FAM149B1: variants seen among roughly 807,000 people sequenced by gnomAD.
FAM149B1 encodes the protein primary cilium assembly protein FAM149B1.
In FAM149B1, 56 loss-of-function variants were observed where a neutral mutation model predicts 75.3. The ratio of observed to expected loss-of-function variants is 0.74; its 90% CI spans 0.60 to 0.93. The LOEUF (loss-of-function observed/expected upper bound fraction) is 0.93. Among genes scored for constraint, FAM149B1 ranks in the 40% least tolerant of loss-of-function variants. The pLI, the probability that FAM149B1 is intolerant of heterozygous loss-of-function variation, is 0.00. For missense variants in FAM149B1, 639 were observed against 708.4 expected, an observed-to-expected ratio of 0.90 and a Z score of 1.11; for synonymous variants, 259 against 256.1, an observed-to-expected ratio of 1.01 and a Z score of -0.11.
intron 5 of FAM149B1, among the ~76,000 whole-genome samples, chr10:73,194,330 G>A (rs1004097439): frequency 6.6e-6 from 1 of 151,622 alleles, no homozygotes; most frequent in African/African-American, 2.4e-5. Flanking sequence ...TTAAAATGTC[G>A]AAGTCTAAGA....
At chr10:73,234,586 C>A in intron 10 of FAM149B1, 1 of 476,178 alleles carries the variant, frequency 2.1e-6, no homozygotes, top group Non-Finnish European at 3.8e-6. Flanking sequence ...GAGAAAAGGC[C>A]AGCTTCTGTT....
At chr10:73,193,932 G>A (rs1384303870) in intron 5 of FAM149B1, among the ~76,000 whole-genome samples, 2 of 152,128 alleles carry the variant, frequency 1.3e-5, no homozygotes, top group Non-Finnish European at 2.9e-5. Flanking sequence ...CTTGCTGGTG[G>A]GGATTCTCTG....
chr10:73,221,305 C>A (rs1228671058), intron 7 of FAM149B1, among the ~76,000 whole-genome samples: 3 of 152,022 alleles, frequency 2.0e-5, no homozygotes, highest in East Asian at 1.9e-4. Flanking sequence ...TTTTAAAATT[C>A]TTTCAGCCTG....
intron 5 of FAM149B1, chr10:73,200,546 T>C: frequency 1.4e-6 from 1 of 731,372 alleles, no homozygotes; most frequent in Non-Finnish European, 2.3e-6. Flanking sequence ...GATCAAAATG[T>C]TTGTTTTGGA....
At chr10:73,228,304 G>T in intron 8 of FAM149B1, 120 bp downstream of exon 8, 1 of 770,190 alleles carries the variant, frequency 1.3e-6, no homozygotes, top group East Asian at 2.7e-5. Flanking sequence ...ACAGTTATGT[G>T]TTTATCATAA....
In FAM149B1 at chr10:73,233,095, G is replaced by A. The variant is rs951645895; in HGVS notation, c.1284G>A (p.Pro428=). ...RRNPPPRTLH[P]ISTSHSCAET... ...ATCCACCACCACGAACTCTTCATCC[G>A]ATCAGCACGAGCCATTCATGTGCTG... is the stretch of plus-strand genomic sequence containing the variant. Residue 428 remains proline (P), a synonymous_variant, in exon 10 of 14, where the codon CCG becomes CCA. Transcript: ENST00000242505. 5.2e-6 allele frequency: 8 copies of A among 1,551,526 alleles called. No individual in the cohort carries two copies. Among genetic ancestry groups the A allele is most frequent in the South Asian group, 1.2e-5 (1 of 84,050 alleles).
At chr10:73,214,918 T>C (rs2043262755) in intron 7 of FAM149B1, among the ~76,000 whole-genome samples, 2 of 152,144 alleles carry the variant, frequency 1.3e-5, no homozygotes, top group South Asian at 4.1e-4. Context: ...TGAATCCATC[T>C]GTTTGTTTGT....
intron 5 of FAM149B1, among the ~76,000 whole-genome samples, chr10:73,202,528 G>GT (rs1325184740): frequency 6.6e-6 from 1 of 151,780 alleles, no homozygotes; most frequent in African/African-American, 2.4e-5. Flanking sequence ...TGCCTCCCAG[G>GT]TTCAAGGGAT....
intron 3 of FAM149B1, among the ~76,000 whole-genome samples, chr10:73,185,833 A>G (rs1425466781): frequency 1.3e-5 from 2 of 152,208 alleles, no homozygotes; most frequent in African/African-American, 4.8e-5. Context: ...AAGGTGCAAG[A>G]TCAATATGTA....
chr10:73,235,393 A>G, intron 12 of FAM149B1, 75 bp downstream of exon 12: 1 of 1,536,000 alleles, frequency 6.5e-7, no homozygotes, highest in Non-Finnish European at 8.8e-7. Context: ...AGTTTGGCAG[A>G]CTTAAGATTT....
rs2043664746 is a variant in FAM149B1, at chr10:73,230,532, A to T, written c.1127+7A>T. On this transcript the variant is annotated splice_region_variant and intron_variant, in intron 9 of 13. Transcript: ENST00000242505. ...CCCTAATGGACAAGCTCCTGTAAGA[A>T]GTTCAACATTTTCAGACTATACAGT... The T allele has an allele frequency of 1.4e-6, 2 of 1,416,620 alleles. No homozygotes were observed. The allele number at this position is 1,416,620 out of a possible 1,614,324, so 87.8% of individuals were successfully genotyped here. A position where few individuals can be genotyped will look rare whatever the true frequency, so the allele number is the denominator to read the frequency against.
rs918100613 is a variant in FAM149B1 at position 73,244,082 on chromosome 10, T to C, written c.*3063T>C. ...TTACATAACTATGTCATTCATTAAA[T>C]GGCAACAATGCTGACAGCAAGCAGT... On this transcript the variant is annotated 3_prime_UTR_variant, in exon 14 of 14. Coordinates refer to ENST00000242505, the MANE Select transcript of FAM149B1 (RefSeq NM_173348.2). 1.6e-6 allele frequency: 1 copy of C among 621,770 alleles called. No homozygotes were observed. The highest frequency in any genetic ancestry group is 3.0e-5 in the East Asian group (1 of 33,716). 38.5% of individuals were successfully genotyped at this position (621,770 alleles called of 1,614,324 possible).
chr10:73,212,621 AAGAGTGGGACTGCTGGAT>A, intron 7 of FAM149B1, among the ~76,000 whole-genome samples: 1 of 152,202 alleles, frequency 6.6e-6, no homozygotes, highest in South Asian at 2.1e-4. Flanking sequence ...GTATATACTC[AAGAGTGGGACTGCTGGAT>A]CAAATGGCAG....
chr10:73,208,102 G>C (rs2043108125), intron 5 of FAM149B1, among the ~76,000 whole-genome samples: 1 of 152,240 alleles, frequency 6.6e-6, no homozygotes, highest in Admixed American at 6.5e-5. Context: ...TGGGTCATGG[G>C]GGAGGATCCC....
At chr10:73,192,526 T>C in intron 3 of FAM149B1, 30 bp from the exon 4 acceptor site, 1 of 1,545,742 alleles carries the variant, frequency 6.5e-7, no homozygotes, top group South Asian at 1.2e-5. Flanking sequence ...TCAGCTCACC[T>C]AAATATTTGG....
intron 1 of FAM149B1, among the ~76,000 whole-genome samples, chr10:73,171,322 T>C (rs963774656): frequency 1.3e-5 from 2 of 152,280 alleles, no homozygotes; most frequent in Admixed American, 1.3e-4. Context: ...AAGTGAATAA[T>C]GAAGATAATG....
Position 73,168,588 on chromosome 10 carries a change from T to C in FAM149B1, c.47+202T>C, listed in dbSNP as rs554415805. 1.8e-4 allele frequency among the ~76,000 whole-genome samples: 27 copies of C among 152,358 alleles called. No homozygotes were observed. In the South Asian group the frequency reaches 5.2e-3, roughly 29 times the overall value. On this transcript the variant is annotated intron_variant, in intron 1 of 13. Transcript: ENST00000242505. ...CGTGTCGCCCTTCGTCTGAAATTCCTGAAATCAAGCACTGGGTCTGCTGAA... is the reference window on the plus strand; with the variant it reads ...CGTGTCGCCCTTCGTCTGAAATTCCCGAAATCAAGCACTGGGTCTGCTGAA...
intron 6 of FAM149B1, among the ~76,000 whole-genome samples, chr10:73,209,607 A>G (rs1438200329): frequency 6.6e-6 from 1 of 152,232 alleles, no homozygotes; most frequent in Non-Finnish European, 1.5e-5. Flanking sequence ...TATCTTCTTT[A>G]CTGGATAGGT....
At chr10:73,209,890 TC>T (rs1394624015) in intron 6 of FAM149B1, among the ~76,000 whole-genome samples, 2 of 148,312 alleles carry the variant, frequency 1.3e-5, no homozygotes, top group East Asian at 4.3e-4. Context: ...ATTTTTTTTT[TC>T]CCATTGCATT....
Sources: allele counts gnomAD v4.1 joint callset (sites outside exome capture counted in the v4.1 genomes callset), GRCh38; gene constraint gnomAD v4.1.1; transcripts MANE v1.5; gene names NCBI Gene and HGNC (gene_info 2026-07-23, HGNC 2026-07-21).